Variants in TPRG1 observed in about 807,000 individuals in gnomAD.
The protein encoded by TPRG1 is tumor protein p63 regulated 1, also known as tumor protein p63-regulated gene 1 protein.
A neutral mutation model predicts 29.3 loss-of-function variants in TPRG1; 29 were observed. The ratio of observed to expected loss-of-function variants is 0.99; its 90% CI spans 0.74 to 1.35. The LOEUF is 1.35. Ranked by LOEUF, TPRG1 falls within the 40% of genes most tolerant of loss-of-function variation. The pLI is 0.00. For synonymous variants in TPRG1, 130 were observed against 116.8 expected (o/e 1.11, Z -0.73); for missense variants, 327 against 335.0 (o/e 0.98, Z 0.19).
intron 3 of TPRG1, among the ~76,000 whole-genome samples, chr3:189,227,009 A>G (rs192786998): frequency 5.4e-4 from 82 of 152,148 alleles, no homozygotes; most frequent in Non-Finnish European, 2.6e-4. Context: ...TACTCACTCA[A>G]CATGAAAGAA....
chr3:189,258,100 C>T (rs1211361407), intron 4 of TPRG1, among the ~76,000 whole-genome samples: 7 of 152,148 alleles, frequency 4.6e-5, no homozygotes, highest in Non-Finnish European at 8.8e-5. Context: ...TTGAAATTTT[C>T]AGCCTTTTTG....
intron 2 of TPRG1, among the ~76,000 whole-genome samples, chr3:189,128,281 C>T (rs910942634): frequency 6.6e-6 from 1 of 152,060 alleles, no homozygotes; most frequent in African/African-American, 2.4e-5. Context: ...ATCATTGTAC[C>T]AGAGCTGTCA....
At chr3:189,188,564 A>G (rs554708473) in intron 1 of TPRG1, among the ~76,000 whole-genome samples, 44 of 152,206 alleles carry the variant, frequency 2.9e-4, no homozygotes, top group Middle Eastern at 3.4e-3. Context: ...GTCTTTTGCT[A>G]TAAGACTAGA....
At chr3:189,059,890 C>T (rs2152143906) in intron 4 of TPRG1, among the ~76,000 whole-genome samples, 1 of 152,276 alleles carries the variant, frequency 6.6e-6, no homozygotes, top group Middle Eastern at 3.4e-3. Flanking sequence ...GCATGATTGT[C>T]TCAATAGATG....
chr3:189,102,683 G>A (rs928918947), intron 1 of TPRG1, among the ~76,000 whole-genome samples: 6 of 152,148 alleles, frequency 3.9e-5, no homozygotes, highest in African/African-American at 9.7e-5. Flanking sequence ...GGAATCAGAC[G>A]ATGTTCATTC....
At position 189,261,277 on chromosome 3, in the gene TPRG1, T is replaced by G. The variant is rs1037664131; in HGVS notation, c.479+22368T>G. Reference sequence around the variant, plus strand: ...TGCTCCAAAAGAATCTGGCTAACTTTTAATTAAGAAGAAATGATCTGGTGG... The same window carrying G: ...TGCTCCAAAAGAATCTGGCTAACTTGTAATTAAGAAGAAATGATCTGGTGG... On this transcript the variant is annotated intron_variant, in intron 4 of 5. Coordinates refer to ENST00000345063, the MANE Select transcript of TPRG1 (RefSeq NM_198485.4). Among the ~76,000 whole-genome samples the G allele has an allele frequency of 3.3e-5, 5 of 152,052 alleles. 1 individual carries two copies. The highest frequency in any genetic ancestry group is 3.3e-4 in the Admixed American group (5 of 15,254).
At chr3:189,102,176 A>G (rs75773324) in intron 1 of TPRG1, among the ~76,000 whole-genome samples, 1,550 of 152,280 alleles carry the variant, frequency 0.01, 27 homozygotes, top group African/African-American at 0.034. Context: ...CTGTAATTTT[A>G]GTGTTATTGT....
At chr3:189,224,074 G>A (rs547130173) in intron 3 of TPRG1, among the ~76,000 whole-genome samples, 1 of 152,196 alleles carries the variant, frequency 6.6e-6, no homozygotes, top group South Asian at 2.1e-4. Flanking sequence ...CTGATATATG[G>A]CCCTACAAAT....
intron 3 of TPRG1, among the ~76,000 whole-genome samples, chr3:189,018,484 G>T (rs1372166869): frequency 7.6e-6 from 1 of 131,696 alleles, no homozygotes; most frequent in Non-Finnish European, 1.6e-5. Flanking sequence ...TTATTAAATA[G>T]GGAATCCTTT....
At chr3:189,161,058 G>T (rs1727409727) in intron 5 of TPRG1, among the ~76,000 whole-genome samples, 1 of 152,216 alleles carries the variant, frequency 6.6e-6, no homozygotes, top group Non-Finnish European at 1.5e-5. Flanking sequence ...GATAAGATTG[G>T]TGATGGCTGC....
chr3:189,094,199 A>G (rs1718525721), intron 4 of TPRG1, among the ~76,000 whole-genome samples: 1 of 152,244 alleles, frequency 6.6e-6, no homozygotes, highest in Non-Finnish European at 1.5e-5. Flanking sequence ...AAAACACATT[A>G]TATGTACTGT....
chr3:189,219,881 A>G (rs1736686227), intron 3 of TPRG1: 2 of 525,098 alleles, frequency 3.8e-6, no homozygotes, highest in Non-Finnish European at 4.9e-6. Flanking sequence ...TATTCCCCCA[A>G]CTCCACCTGG....
chr3:189,191,002 T>G, intron 1 of TPRG1: 1 of 985,314 alleles, frequency 1.0e-6, no homozygotes. Flanking sequence ...TCTTTTAATT[T>G]TCTCAGGACA....
intron 4 of TPRG1, among the ~76,000 whole-genome samples, chr3:189,296,062 A>G (rs1719867723): frequency 1.3e-5 from 2 of 152,172 alleles, no homozygotes; most frequent in South Asian, 4.1e-4. Flanking sequence ...ACACTTCATG[A>G]TGAGTTGGTA....
At chr3:189,104,652 G>A (rs1030986752) in intron 1 of TPRG1, among the ~76,000 whole-genome samples, 2 of 151,522 alleles carry the variant, frequency 1.3e-5, no homozygotes, top group South Asian at 2.1e-4. Context: ...AAGAACCCTC[G>A]GTCTACTAGA....
At chr3:189,259,036 C>A (rs1026511413) in intron 4 of TPRG1, among the ~76,000 whole-genome samples, 1 of 152,094 alleles carries the variant, frequency 6.6e-6, no homozygotes, top group African/African-American at 2.4e-5. Context: ...TTCCAGGGAC[C>A]AATGGGGTAT....
At chr3:189,196,472 A>G (rs1732542976) in intron 1 of TPRG1, among the ~76,000 whole-genome samples, 1 of 152,200 alleles carries the variant, frequency 6.6e-6, no homozygotes, top group Admixed American at 6.5e-5. Context: ...CTTCAAAATC[A>G]TGGCAGAAGG....
chr3:189,193,132 A>ATTTTTT lies in TPRG1; in HGVS notation c.-9-14228_-9-14223dup, dbSNP rs555964454. On this transcript the variant is annotated intron_variant, in intron 1 of 5. Transcript: ENST00000345063. ...ATTCTCTCTTTGTTTTTGACTTTTAATTTTTTTTTTTTTTTTTTTTTGAGA... is the reference window on the plus strand; with the variant it reads ...ATTCTCTCTTTGTTTTTGACTTTTAATTTTTTTTTTTTTTTTTTTTTTTTTTTGAGA... 4.7e-3 allele frequency among the ~76,000 whole-genome samples: 424 copies of ATTTTTT among 90,198 alleles called. 6 individuals carry two copies. Among genetic ancestry groups the ATTTTTT allele is most frequent in the East Asian group, 0.012 (31 of 2,594 alleles). The allele number at this position is 90,198 out of a possible 152,430, so 59.2% of individuals were successfully genotyped here. A position where few individuals can be genotyped will look rare whatever the true frequency, so the allele number is the denominator to read the frequency against.
In TPRG1 at chr3:189,310,414, T is replaced by C; in HGVS notation, c.508T>C (p.Trp170Arg). Residue 170 changes from tryptophan (W) to arginine (R), a missense_variant, in exon 5 of 6, where the codon TGG becomes CGG. Transcript: ENST00000345063. Reference protein sequence around the residue: ...KRQGEGLRIYWGSPEEQSLLS... With the variant: ...KRQGEGLRIYRGSPEEQSLLS... ...ACAAGGAGAAGGCCTTAGGATCTAC[T>C]GGGGGAGTCCGGAGGAGCAGTCTCT... The C allele has an allele frequency of 3.7e-6, 6 of 1,610,876 alleles. No homozygotes were observed. The highest frequency in any genetic ancestry group is 3.4e-6 in the Non-Finnish European group (4 of 1,178,068).
Sources: gnomAD v4.1 joint callset for allele counts (sites outside exome capture counted in the v4.1 genomes callset) on GRCh38, gnomAD v4.1.1 for gene constraint, MANE v1.5 for transcripts, NCBI Gene and HGNC (gene_info 2026-07-23, HGNC 2026-07-21) for gene names.